RIMS1: variants seen among roughly 807,000 people sequenced by gnomAD.
RIMS1 encodes regulating synaptic membrane exocytosis 1, also known as regulating synaptic membrane exocytosis protein 1.
In RIMS1, 83 loss-of-function variants were observed where a neutral mutation model predicts 214.1. That is an observed-to-expected ratio of 0.39 (90% CI 0.32 to 0.47). RIMS1 has a LOEUF of 0.47. RIMS1 is among the 20% of genes least tolerant of loss of function. The pLI is 0.99. For missense variants in RIMS1, 2,050 were observed against 2,161.8 expected, an observed-to-expected ratio of 0.95 and a Z score of 1.03; for synonymous variants, 793 against 786.8, an observed-to-expected ratio of 1.01 and a Z score of -0.13.
At chr6:72,110,082 G>T (rs911795818) in intron 4 of RIMS1, among the ~76,000 whole-genome samples, 1 of 151,974 alleles carries the variant, frequency 6.6e-6, no homozygotes, top group Admixed American at 6.6e-5. Context: ...GGTACCAGTA[G>T]CATGCTGTTT....
chr6:72,006,463 G>C (rs1053703111), intron 2 of RIMS1, among the ~76,000 whole-genome samples: 1 of 152,192 alleles, frequency 6.6e-6, no homozygotes. Flanking sequence ...ATCTACTGGG[G>C]AGTGTTGGAA....
chr6:72,367,550 G>C (rs1231762432), intron 29 of RIMS1, among the ~76,000 whole-genome samples: 1 of 152,132 alleles, frequency 6.6e-6, no homozygotes, highest in Non-Finnish European at 1.5e-5. Flanking sequence ...TTCAGAAAAA[G>C]TGTGGGTAGA....
intron 26 of RIMS1, among the ~76,000 whole-genome samples, chr6:72,303,257 G>A (rs533608486): frequency 6.6e-6 from 1 of 150,602 alleles, no homozygotes; most frequent in Non-Finnish European, 1.5e-5. Flanking sequence ...GATTTATTAA[G>A]GATTTTTGAG....
intron 4 of RIMS1, among the ~76,000 whole-genome samples, chr6:72,147,041 A>C (rs2153893570): frequency 6.6e-6 from 1 of 152,338 alleles, no homozygotes; most frequent in South Asian, 2.1e-4. Context: ...GCAGTTTATG[A>C]CCTTAAAGCA....
intron 6 of RIMS1, among the ~76,000 whole-genome samples, chr6:72,189,382 C>T (rs572469621): frequency 8.5e-5 from 13 of 152,272 alleles, no homozygotes; most frequent in East Asian, 1.9e-4. Context: ...CTTCTTTAGC[C>T]GTAAAGTGAG....
intron 29 of RIMS1, among the ~76,000 whole-genome samples, chr6:72,353,697 C>T (rs2097538528): frequency 6.6e-6 from 1 of 152,212 alleles, no homozygotes; most frequent in African/African-American, 2.4e-5. Flanking sequence ...CTTTTTCTCT[C>T]TCTTCTCTCT....
At chr6:72,014,600 GT>G (rs1464381570) in intron 2 of RIMS1, among the ~76,000 whole-genome samples, 1 of 151,994 alleles carries the variant, frequency 6.6e-6, no homozygotes, top group East Asian at 1.9e-4. Flanking sequence ...GTAGGCATTT[GT>G]TTTCAATTTT....
chr6:72,290,963 C>A, intron 25 of RIMS1, 102 bp downstream of exon 25: 2 of 1,018,704 alleles, frequency 2.0e-6, no homozygotes, highest in South Asian at 1.6e-5. Context: ...ATTTTGACAC[C>A]ATAACTTTTA....
chr6:72,192,265 GC>G (rs1300729623), intron 6 of RIMS1, among the ~76,000 whole-genome samples: 2 of 152,216 alleles, frequency 1.3e-5, no homozygotes, highest in African/African-American at 4.8e-5. Context: ...TCAGCTCAGA[GC>G]CAGTGTCTGG....
At chr6:71,925,619 A>G (rs952351220) in intron 1 of RIMS1, among the ~76,000 whole-genome samples, 2 of 152,240 alleles carry the variant, frequency 1.3e-5, no homozygotes, top group Non-Finnish European at 2.9e-5. Flanking sequence ...TCTAACCACC[A>G]TGTTGGTTGA....
At chr6:72,318,448 A>G (rs2095944669) in intron 28 of RIMS1, among the ~76,000 whole-genome samples, 2 of 152,184 alleles carry the variant, frequency 1.3e-5, no homozygotes, top group Admixed American at 1.3e-4. Context: ...CTCCTAGGAA[A>G]AAAAATGACT....
intron 2 of RIMS1, among the ~76,000 whole-genome samples, chr6:71,982,978 T>C (rs1351094605): frequency 6.6e-6 from 1 of 152,102 alleles, no homozygotes; most frequent in Non-Finnish European, 1.5e-5. Flanking sequence ...ATTGAAGATG[T>C]CCTTCCCTTC....
At chr6:72,227,108 G>A (rs986027225) in intron 6 of RIMS1, among the ~76,000 whole-genome samples, 1 of 151,876 alleles carries the variant, frequency 6.6e-6, no homozygotes, top group African/African-American at 2.4e-5. Flanking sequence ...CTGCATAATC[G>A]CTGATTTTAT....
intron 23 of RIMS1, among the ~76,000 whole-genome samples, chr6:72,278,927 A>T (rs184405662): frequency 6.3e-4 from 96 of 152,210 alleles, no homozygotes; most frequent in Admixed American, 2.0e-3. Context: ...GTAGTAAGCC[A>T]AAATATAGAC....
intron 1 of RIMS1, among the ~76,000 whole-genome samples, chr6:71,905,776 A>G (rs1242841163): frequency 6.6e-6 from 1 of 152,132 alleles, no homozygotes. Context: ...TGACTGGACA[A>G]GAAGGCAACA....
At chr6:72,348,430 C>T (rs2097339414) in intron 29 of RIMS1, among the ~76,000 whole-genome samples, 1 of 151,884 alleles carries the variant, frequency 6.6e-6, no homozygotes, top group Non-Finnish European at 1.5e-5. Flanking sequence ...TTTGCAACCT[C>T]CCTTTTCCTT....
intron 1 of RIMS1, among the ~76,000 whole-genome samples, chr6:71,928,883 T>G (rs1327342350): frequency 1.3e-5 from 2 of 152,128 alleles, no homozygotes; most frequent in Non-Finnish European, 2.9e-5. Context: ...ATGAGATGTT[T>G]CCTGGGGAAA....
chr6:72,158,778 T>C (rs1335255328), intron 4 of RIMS1, among the ~76,000 whole-genome samples: 1 of 140,074 alleles, frequency 7.1e-6, no homozygotes, highest in East Asian at 2.0e-4. Flanking sequence ...ATGGTGTATA[T>C]GTGCCACATT....
rs1204428467 is a variant in RIMS1 at position 72,182,461 on chromosome 6, G to A, written c.990G>A (p.Thr330=). The change falls in exon 6 of 34, where the codon ACG becomes ACA. Residue 330 remains threonine (T), a synonymous_variant. Transcript: ENST00000521978. ...GGCGATCACAGGATTACCCAGACAC[G>A]CCGGAAAAACGGGATGAGGGCAAAG... ...EKGRSQDYPD[T]PEKRDEGKAA... 5.6e-6 allele frequency: 9 copies of A among 1,613,642 alleles called. No homozygotes were observed. The highest frequency in any genetic ancestry group is 1.3e-5 in the African/African-American group (1 of 75,052).
Sources: gnomAD v4.1 joint callset for allele counts (sites outside exome capture counted in the v4.1 genomes callset) on GRCh38, gnomAD v4.1.1 for gene constraint, MANE v1.5 for transcripts, NCBI Gene and HGNC (gene_info 2026-07-23, HGNC 2026-07-21) for gene names.